The following SMC5 variants were observed in gnomAD, a reference collection of about 807,000 sequenced individuals.
SMC5 encodes structural maintenance of chromosomes protein 5.
In SMC5, 88 loss-of-function variants were observed where a neutral mutation model predicts 148.3. The ratio of observed to expected loss-of-function variants is 0.59; its 90% CI spans 0.50 to 0.71. The LOEUF (loss-of-function observed/expected upper bound fraction) is 0.71. Among genes scored for constraint, SMC5 ranks in the 30% least tolerant of loss-of-function variants. The pLI is 0.00. For missense variants in SMC5, 1,142 were observed against 1,298.9 expected, an observed-to-expected ratio of 0.88 and a Z score of 1.86; for synonymous variants, 421 against 432.8, an observed-to-expected ratio of 0.97 and a Z score of 0.34.
intron 3 of SMC5, among the ~76,000 whole-genome samples, chr9:70,269,637 T>TA: frequency 6.6e-6 from 1 of 152,096 alleles, no homozygotes; most frequent in Non-Finnish European, 1.5e-5. Context: ...ATACATTTGA[T>TA]ACAATTACAA....
intron 3 of SMC5, among the ~76,000 whole-genome samples, chr9:70,276,874 A>G (rs1469025390): frequency 1.3e-5 from 2 of 152,164 alleles, no homozygotes; most frequent in African/African-American, 4.8e-5. Context: ...TGGAAATGCC[A>G]CGAGTCAGTT....
At chr9:70,289,906 G>T (rs768429001) in intron 8 of SMC5, among the ~76,000 whole-genome samples, 2 of 149,742 alleles carry the variant, frequency 1.3e-5, no homozygotes, top group Non-Finnish European at 3.0e-5. Context: ...TTATTTTACT[G>T]CCAGTATTGA....
intron 8 of SMC5, among the ~76,000 whole-genome samples, chr9:70,297,146 C>T (rs1467507131): frequency 1.3e-5 from 2 of 152,132 alleles, no homozygotes; most frequent in South Asian, 2.1e-4. Context: ...AGAATACAAC[C>T]CAAGTCCAAA....
At chr9:70,277,497 T>C in intron 4 of SMC5, 25 bp downstream of exon 4, 1 of 1,551,914 alleles carries the variant, frequency 6.4e-7, no homozygotes, top group Non-Finnish European at 8.7e-7. Flanking sequence ...AATGTAAAGA[T>C]GGGAAAATTT....
chr9:70,313,634 A>G (rs1463593773), intron 11 of SMC5, among the ~76,000 whole-genome samples: 1 of 152,066 alleles, frequency 6.6e-6, no homozygotes, highest in African/African-American at 2.4e-5. Context: ...AGTAGCTGAG[A>G]TTACAGGAGC....
At chr9:70,331,267 A>G (rs2036211051) in intron 17 of SMC5, among the ~76,000 whole-genome samples, 1 of 152,212 alleles carries the variant, frequency 6.6e-6, no homozygotes, top group Non-Finnish European at 1.5e-5. Context: ...TTTATTAGAC[A>G]GTACAGTTTC....
chr9:70,284,193 A>C (rs1038279323), intron 7 of SMC5, among the ~76,000 whole-genome samples: 2 of 152,220 alleles, frequency 1.3e-5, no homozygotes, highest in Non-Finnish European at 2.9e-5. Flanking sequence ...TAATTCTAAT[A>C]CAGGTTAAAG....
chr9:70,282,954 A>G (rs1366833437), intron 7 of SMC5, among the ~76,000 whole-genome samples: 1 of 152,226 alleles, frequency 6.6e-6, no homozygotes, highest in Non-Finnish European at 1.5e-5. Flanking sequence ...TTTGGAATAG[A>G]TAATAGAATA....
Position 70,323,468 on chromosome 9 carries a change from A to T in SMC5, c.2151-15A>T. ...GTTTAACACTGATTTCTTCATTATT[A>T]TATGTGTCATACAGTTTAAAGCTGA... On this transcript the variant is annotated splice_polypyrimidine_tract_variant and intron_variant, in intron 15 of 24. Transcript: ENST00000361138. 1 of 1,582,386 alleles carries T rather than the reference A, an allele frequency of 6.3e-7. No individual in the cohort carries two copies. Among genetic ancestry groups the T allele is most frequent in the Non-Finnish European group, 8.6e-7 (1 of 1,169,578 alleles).
chr9:70,332,497 C>T (rs889890896), intron 17 of SMC5, among the ~76,000 whole-genome samples: 4 of 143,932 alleles, frequency 2.8e-5, no homozygotes, highest in Non-Finnish European at 6.0e-5. Flanking sequence ...GTACTTCAGC[C>T]TGGGTGACAG....
intron 16 of SMC5, 40 bp from the exon 17 acceptor site, chr9:70,323,981 G>T: frequency 6.9e-7 from 1 of 1,457,220 alleles, no homozygotes; most frequent in South Asian, 1.5e-5. Flanking sequence ...CTAAAACATA[G>T]GTAACATAAA....
intron 17 of SMC5, among the ~76,000 whole-genome samples, chr9:70,332,356 C>CA (rs1205505173): frequency 6.6e-6 from 1 of 151,566 alleles, no homozygotes; most frequent in African/African-American, 2.4e-5. Flanking sequence ...CCTGTCTCTA[C>CA]AAAAAATACA....
intron 15 of SMC5, among the ~76,000 whole-genome samples, chr9:70,322,152 A>G (rs1230644715): frequency 4.6e-5 from 7 of 152,034 alleles, no homozygotes; most frequent in African/African-American, 1.7e-4. Flanking sequence ...AAAATTGGTA[A>G]TGTGCCTTGG....
Position 70,259,281 on chromosome 9 carries a change from C to T in SMC5, c.185+18C>T, listed in dbSNP as rs2034022071. On this transcript the variant is annotated intron_variant, in intron 1 of 24. Coordinates refer to ENST00000361138, the MANE Select transcript of SMC5 (RefSeq NM_015110.4). The stretch of plus-strand genomic sequence containing the variant: ...AACTTCCTGTAAGTTGCCCGGAGGC[C>T]GCGCCGCGGGTGTGGAGGTGTGCTG... 2 of 1,553,288 alleles carry T rather than the reference C, an allele frequency of 1.3e-6. No individual in the cohort carries two copies. The highest frequency in any genetic ancestry group is 1.2e-5 in the South Asian group (1 of 83,774).
intron 17 of SMC5, among the ~76,000 whole-genome samples, chr9:70,336,682 C>T (rs555270852): frequency 5.3e-5 from 8 of 152,240 alleles, no homozygotes; most frequent in African/African-American, 1.7e-4. Context: ...TTGTAGAGTC[C>T]ATGCTGAAGT....
intron 9 of SMC5, among the ~76,000 whole-genome samples, chr9:70,298,641 G>A (rs2035272991): frequency 6.6e-6 from 1 of 151,536 alleles, no homozygotes; most frequent in Non-Finnish European, 1.5e-5. Flanking sequence ...TATTTGGATA[G>A]GGATTTTATA....
At chr9:70,299,961 G>C in intron 9 of SMC5, 85 bp from the exon 10 acceptor site, 3 of 1,242,012 alleles carry the variant, frequency 2.4e-6, no homozygotes, top group Non-Finnish European at 3.3e-6. Context: ...TTTAGAACTA[G>C]GGTATTCTTT....
chr9:70,344,186 C>T lies in SMC5; in HGVS notation c.2440C>T (p.Gln814Ter). The T allele has an allele frequency of 1.9e-6, 3 of 1,555,098 alleles. No homozygotes were observed. The highest frequency in any genetic ancestry group is 2.6e-6 in the Non-Finnish European group (3 of 1,148,704). The change falls in exon 18 of 25, where the codon CAG (glutamine) becomes TAG (stop). Residue 814 changes from glutamine (Q) to a stop codon, truncating the protein, a stop_gained. Coordinates refer to ENST00000361138, the MANE Select transcript of SMC5 (RefSeq NM_015110.4). LOFTEE classifies it high-confidence loss of function. The part of the protein sequence containing the change: ...ELDENRQRLL[Q>*]KCKELMKRAR... ...GGATGAAAATAGACAGAGATTATTG[C>T]AGAAATGCAAGGAACTTATGAAAAG...
intron 19 of SMC5, 38 bp from the exon 20 acceptor site, chr9:70,347,028 T>G: frequency 2.0e-6 from 3 of 1,472,058 alleles, no homozygotes; most frequent in Non-Finnish European, 2.8e-6. Context: ...TGGAACTGTT[T>G]TCATTGTATC....
Sources: gnomAD v4.1 joint callset for allele counts (sites outside exome capture counted in the v4.1 genomes callset) on GRCh38, gnomAD v4.1.1 for gene constraint, MANE v1.5 for transcripts, NCBI Gene and HGNC (gene_info 2026-07-23, HGNC 2026-07-21) for gene names.